The following PARD3B variants were observed in gnomAD, a reference collection of about 807,000 sequenced individuals.
PARD3B encodes the protein partitioning defective 3 homolog B.
A neutral mutation model predicts 130.2 loss-of-function variants in PARD3B; 103 were observed. The ratio of observed to expected loss-of-function variants is 0.79; its 90% CI spans 0.67 to 0.93. The LOEUF is 0.93. Among genes scored for constraint, PARD3B ranks in the 40% least tolerant of loss-of-function variants. The pLI, the probability that PARD3B is intolerant of heterozygous loss-of-function variation, is 0.00. For synonymous variants in PARD3B, 583 were observed against 553.2 expected, an observed-to-expected ratio of 1.05 and a Z score of -0.76; for missense variants, 1,609 against 1,499.2, an observed-to-expected ratio of 1.07 and a Z score of -1.21.
chr2:205,315,638 C>A (rs750734514), intron 18 of PARD3B, among the ~76,000 whole-genome samples: 1 of 152,138 alleles, frequency 6.6e-6, no homozygotes, highest in Non-Finnish European at 1.5e-5. Context: ...TCTATATTCT[C>A]GTCCCAGTTT....
intron 1 of PARD3B, among the ~76,000 whole-genome samples, chr2:204,578,625 C>G (rs1055229476): frequency 6.6e-6 from 1 of 151,986 alleles, no homozygotes; most frequent in Admixed American, 6.6e-5. Context: ...TATTTGGGTG[C>G]CTGATTTATC....
At chr2:204,639,707 G>GTACT (rs1313959295) in intron 1 of PARD3B, among the ~76,000 whole-genome samples, 5 of 152,142 alleles carry the variant, frequency 3.3e-5, no homozygotes, top group Non-Finnish European at 7.4e-5. Context: ...GAGTATCTGT[G>GTACT]GATTTTAGTG....
chr2:205,315,439 A>G, intron 18 of PARD3B, among the ~76,000 whole-genome samples: 1 of 152,140 alleles, frequency 6.6e-6, no homozygotes, highest in Non-Finnish European at 1.5e-5. Flanking sequence ...CCAGTTACCT[A>G]GTGGTTCTCA....
rs187587682 is a variant in PARD3B, at chr2:205,125,328, G to A, written c.1306-281G>A. Among the ~76,000 whole-genome samples the A allele has an allele frequency of 3.6e-3, 543 of 152,256 alleles. 2 individuals carry two copies. Among genetic ancestry groups the A allele is most frequent in the Middle Eastern group, 6.8e-3 (2 of 294 alleles). The stretch of plus-strand genomic sequence containing the variant: ...TTGCAATCTGCTTTCTACCTTAAGC[G>A]GAATCATTTTCTGGTATCTGTCAGT... On this transcript the variant is annotated intron_variant, in intron 9 of 22. Coordinates refer to ENST00000406610, the MANE Select transcript of PARD3B (RefSeq NM_001302769.2). The surrounding 1 kb of genome is among the most constrained non-coding windows in gnomAD (Gnocchi z 4.0).
At chr2:204,624,435 A>G (rs2034411173) in intron 1 of PARD3B, among the ~76,000 whole-genome samples, 1 of 152,218 alleles carries the variant, frequency 6.6e-6, no homozygotes, top group Non-Finnish European at 1.5e-5. Context: ...AAAAAATAGA[A>G]ATATGTAATG....
chr2:204,635,242 G>T (rs1341331065), intron 1 of PARD3B, among the ~76,000 whole-genome samples: 1 of 151,992 alleles, frequency 6.6e-6, no homozygotes, highest in Admixed American at 6.6e-5. Flanking sequence ...TTCCTCCCCC[G>T]GACGAGGATC....
In PARD3B at chr2:204,559,089, G is replaced by A. The variant is rs896105807; in HGVS notation, c.120+12970G>A. Among the ~76,000 whole-genome samples the A allele has an allele frequency of 7.9e-5, 12 of 152,072 alleles. 1 individual carries two copies. The Middle Eastern group carries it at 0.01, about 129-fold the overall frequency. ...TGTTAGACCTAAAACCATGAAAACCGTAGAAGAAAACCTAGGCAATACCAT... is the reference window on the plus strand; with the variant it reads ...TGTTAGACCTAAAACCATGAAAACCATAGAAGAAAACCTAGGCAATACCAT... On this transcript the variant is annotated intron_variant, in intron 1 of 22. Coordinates refer to ENST00000406610, the MANE Select transcript of PARD3B (RefSeq NM_001302769.2).
rs1209984342 is a variant in PARD3B at position 205,463,573 on chromosome 2, T to C, written c.3044+22901T>C. ...AGAGAGATCATTACACTTCTGCTCATGGTTAGCTATTTGTGAACCAACTGA... is the reference window on the plus strand; with the variant it reads ...AGAGAGATCATTACACTTCTGCTCACGGTTAGCTATTTGTGAACCAACTGA... On this transcript the variant is annotated intron_variant, in intron 20 of 22. Transcript: ENST00000406610. This position sits in a 1 kb window ranked among gnomAD's most constrained non-coding sequence, Gnocchi z 4.8. Among the ~76,000 whole-genome samples the C allele has an allele frequency of 6.6e-6, 1 of 152,216 alleles. No individual in the cohort carries two copies. Among genetic ancestry groups the C allele is most frequent in the Non-Finnish European group, 1.5e-5 (1 of 68,038 alleles).
chr2:205,107,755 A>G (rs1412474683), intron 5 of PARD3B, among the ~76,000 whole-genome samples: 1 of 152,252 alleles, frequency 6.6e-6, no homozygotes, highest in African/African-American at 2.4e-5. Context: ...AATAACATTT[A>G]AAAGACATTC....
At chr2:205,362,274 C>G (rs2044417934) in intron 18 of PARD3B, among the ~76,000 whole-genome samples, 1 of 152,092 alleles carries the variant, frequency 6.6e-6, no homozygotes, top group Non-Finnish European at 1.5e-5. Context: ...AAATAATAGC[C>G]TGCTTTATTT....
intron 14 of PARD3B, among the ~76,000 whole-genome samples, chr2:205,189,214 T>A (rs1415544951): frequency 6.6e-6 from 1 of 152,188 alleles, no homozygotes; most frequent in African/African-American, 2.4e-5. Flanking sequence ...AGAAGCCAAT[T>A]GTTGAAGTCC....
intron 21 of PARD3B, among the ~76,000 whole-genome samples, chr2:205,500,898 G>A (rs188692496): frequency 1.6e-4 from 24 of 152,228 alleles, no homozygotes; most frequent in African/African-American, 4.8e-4. Flanking sequence ...CTTCTACTGC[G>A]CCTTTTAGAG....
intron 10 of PARD3B, among the ~76,000 whole-genome samples, chr2:205,143,037 A>ATTT (rs2033096971): frequency 1.3e-5 from 2 of 151,986 alleles, no homozygotes; most frequent in African/African-American, 4.8e-5. Flanking sequence ...GGAATAGTTA[A>ATTT]AAGAAGAGGT....
intron 1 of PARD3B, among the ~76,000 whole-genome samples, chr2:204,595,451 G>C (rs1450462009): frequency 6.6e-6 from 1 of 152,202 alleles, no homozygotes; most frequent in African/African-American, 2.4e-5. Context: ...TCTCCATCCT[G>C]TTTCTTATTG....
intron 2 of PARD3B, among the ~76,000 whole-genome samples, chr2:204,891,469 T>G (rs2046443576): frequency 6.6e-6 from 1 of 152,200 alleles, no homozygotes; most frequent in Non-Finnish European, 1.5e-5. Flanking sequence ...GATGATTTAT[T>G]TTATGCCAAG....
intron 2 of PARD3B, among the ~76,000 whole-genome samples, chr2:204,892,788 C>G (rs1036301562): frequency 1.3e-5 from 2 of 152,068 alleles, no homozygotes; most frequent in Non-Finnish European, 1.5e-5. Flanking sequence ...TTCTGTGCAA[C>G]TACAAGAAGG....
rs1448573879 is a variant in PARD3B at position 205,146,305 on chromosome 2, T to G, written c.1435-12417T>G. Among the ~76,000 whole-genome samples the G allele has an allele frequency of 2.0e-5, 3 of 152,178 alleles. No individual in the cohort carries two copies. The highest frequency in any genetic ancestry group is 7.2e-5 in the African/African-American group (3 of 41,446). ...CTTCCTAAGGGCCCAGCTTCCCAAATGGGCTACTTCTCAGGATCAGGCCCA... is the reference window on the plus strand; with the variant it reads ...CTTCCTAAGGGCCCAGCTTCCCAAAGGGGCTACTTCTCAGGATCAGGCCCA... On this transcript the variant is annotated intron_variant, in intron 10 of 22. Coordinates refer to ENST00000406610, the MANE Select transcript of PARD3B (RefSeq NM_001302769.2). This position sits in a 1 kb window ranked among gnomAD's most constrained non-coding sequence, Gnocchi z 4.3.
chr2:205,359,305 T>C (rs1339673280), intron 18 of PARD3B, among the ~76,000 whole-genome samples: 1 of 152,238 alleles, frequency 6.6e-6, no homozygotes, highest in East Asian at 1.9e-4. Context: ...TGAATTTCTC[T>C]AGATACTACT....
intron 2 of PARD3B, among the ~76,000 whole-genome samples, chr2:204,923,357 CATT>C (rs1420977496): frequency 3.3e-5 from 5 of 151,862 alleles, no homozygotes; most frequent in African/African-American, 1.2e-4. Context: ...ATTATATTGT[CATT>C]ATTATGTATT....
Sources: allele counts gnomAD v4.1 joint callset (sites outside exome capture counted in the v4.1 genomes callset), GRCh38; gene constraint gnomAD v4.1.1; non-coding constraint Gnocchi (gnomAD v3.1); transcripts MANE v1.5; gene names NCBI Gene and HGNC (gene_info 2026-07-23, HGNC 2026-07-21).